The following AP2A1 variants were observed in gnomAD, a reference collection of about 807,000 sequenced individuals.
AP2A1 encodes AP-2 complex subunit alpha-1.
A neutral mutation model predicts 107.3 loss-of-function variants in AP2A1; 21 were observed. That is an observed-to-expected ratio of 0.20 (90% CI 0.14 to 0.28). The LOEUF (loss-of-function observed/expected upper bound fraction) is 0.28. Among genes scored for constraint, AP2A1 ranks in the 10% least tolerant of loss-of-function variants. The pLI is 1.00. For synonymous variants in AP2A1, 602 were observed against 564.8 expected (o/e 1.07, Z -0.93); for missense variants, 873 against 1,307.7 (o/e 0.67, Z 5.13).
chr19:49,783,381 C>G (rs1008818592), intron 4 of AP2A1, among the ~76,000 whole-genome samples: 2 of 151,974 alleles, frequency 1.3e-5, no homozygotes, highest in African/African-American at 4.8e-5. Context: ...GTCCCAGCTA[C>G]TCGGGAAGCT....
In AP2A1 at chr19:49,796,764, T is replaced by C. The variant is rs534556543; in HGVS notation, c.814+1026T>C. The C allele has an allele frequency of 2.6e-5, 4 of 152,426 alleles. No individual in the cohort carries two copies. In the East Asian group the frequency reaches 7.7e-4, roughly 29 times the overall value. 9.4% of individuals were successfully genotyped at this position (152,426 alleles called of 1,614,324 possible). On this transcript the variant is annotated intron_variant, in intron 7 of 22. Transcript: ENST00000354293. Reference sequence around the variant, plus strand: ...CTGTGTCCCTCTATGTGTGTACATGTGTATATATCAGTGTGTGCATCTACA... The same window carrying C: ...CTGTGTCCCTCTATGTGTGTACATGCGTATATATCAGTGTGTGCATCTACA...
intron 18 of AP2A1, chr19:49,803,953 C>T (rs554241060): frequency 1.3e-5 from 2 of 158,160 alleles, no homozygotes; most frequent in South Asian, 1.8e-4. Context: ...AAAACTCCTT[C>T]TGGCCGGGCA....
chr19:49,801,112 G>A, intron 12 of AP2A1, 54 bp downstream of exon 12: 3 of 1,493,664 alleles, frequency 2.0e-6, no homozygotes, highest in South Asian at 2.5e-5. Flanking sequence ...AGGGGTCCAG[G>A]GCTTGGGGGA....
rs1420371911 is a variant in AP2A1 at position 49,803,021 on chromosome 19, G to T, written c.2171+16G>T. ...TGCTGAATAAGTGAGTCCTGGGAGTGGTGGGGGAGGGGAACGGGACAGGTG... is the reference window on the plus strand; with the variant it reads ...TGCTGAATAAGTGAGTCCTGGGAGTTGTGGGGGAGGGGAACGGGACAGGTG... On this transcript the variant is annotated intron_variant, in intron 16 of 22. Transcript: ENST00000354293. The T allele has an allele frequency of 1.9e-6, 3 of 1,613,790 alleles. No individual in the cohort carries two copies. Among genetic ancestry groups the T allele is most frequent in the East Asian group, 4.5e-5 (2 of 44,860 alleles).
intron 7 of AP2A1, among the ~76,000 whole-genome samples, chr19:49,798,042 T>C (rs974331222): frequency 6.6e-6 from 1 of 152,250 alleles, no homozygotes; most frequent in Non-Finnish European, 1.5e-5. Context: ...ACTGGGCTCA[T>C]TGCTGCCTTG....
In AP2A1 at chr19:49,792,030, C is replaced by A; in HGVS notation, c.569C>A (p.Ala190Glu). Residue 190 changes from alanine (A) to glutamate (E), a missense_variant, in exon 5 of 23, where the codon GCG (alanine) becomes GAG (glutamate). This residue lies in a region of AP2A1 where 157 missense variants were observed against 212.6 expected (regional missense o/e 0.74). Transcript: ENST00000354293. ...CTGGTGCCCATGGGCGAGTGGACGG[C>A]GCGTGTGGTACACCTGCTCAATGAC... Reference protein sequence around the residue: ...PDLVPMGEWTARVVHLLNDQH... With the variant: ...PDLVPMGEWTERVVHLLNDQH... The A allele has an allele frequency of 6.2e-7, 1 of 1,612,704 alleles. No homozygotes were observed. The highest frequency in any genetic ancestry group is 1.7e-4 in the Middle Eastern group (1 of 5,944).
chr19:49,780,385 G>A (rs931642750), intron 1 of AP2A1, among the ~76,000 whole-genome samples: 2 of 152,238 alleles, frequency 1.3e-5, no homozygotes, highest in Non-Finnish European at 1.5e-5. Context: ...TGACAGGGGA[G>A]GGGTGGCCCC....
At chr19:49,799,536 T>C (rs1282016047) in intron 9 of AP2A1, 41 bp downstream of exon 9, 3 of 1,604,740 alleles carry the variant, frequency 1.9e-6, no homozygotes, top group Middle Eastern at 3.3e-4. Flanking sequence ...GCCACCCCCC[T>C]CAGAAAGACC....
chr19:49,772,555 G>A (rs2084574421), intron 1 of AP2A1, among the ~76,000 whole-genome samples: 1 of 151,588 alleles, frequency 6.6e-6, no homozygotes, highest in Non-Finnish European at 1.5e-5. Context: ...GAGTGCGGTG[G>A]TGCGATCTCG....
Position 49,781,686 on chromosome 19 carries a change from G to A in AP2A1, c.68-71G>A, listed in dbSNP as rs542148412. The A allele has an allele frequency of 3.6e-5, 53 of 1,470,434 alleles. No individual in the cohort carries two copies. In the Middle Eastern group the frequency reaches 1.1e-3, roughly 29 times the overall value. The allele number at this position is 1,470,434 out of a possible 1,614,324, so 91.1% of individuals were successfully genotyped here. A position where few individuals can be genotyped will look rare whatever the true frequency, so the allele number is the denominator to read the frequency against. ...TGCCCTTCCTGCTGGGTGGGGCCGC[G>A]CCTAGGAAAGAGAGGGCAGGTGGCT... On this transcript the variant is annotated intron_variant, in intron 1 of 22. Coordinates refer to ENST00000354293, the MANE Select transcript of AP2A1 (RefSeq NM_130787.3).
In AP2A1 at chr19:49,799,923, C is replaced by T. The variant is rs189554440; in HGVS notation, c.1273-45C>T. 262 of 1,599,730 alleles carry T rather than the reference C, an allele frequency of 1.6e-4. 1 individual carries two copies. The highest frequency in any genetic ancestry group is 4.0e-4 in the East Asian group (18 of 44,546). On this transcript the variant is annotated intron_variant, in intron 10 of 22. Coordinates refer to ENST00000354293, the MANE Select transcript of AP2A1 (RefSeq NM_130787.3). ...GCCCAGATCCAGGTGAGTGAAAGCC[C>T]GACATGGCCTGCGGCACACTCTCTC... is the stretch of plus-strand genomic sequence containing the variant.
chr19:49,806,342 C>T, intron 22 of AP2A1, 89 bp downstream of exon 22: 2 of 1,441,150 alleles, frequency 1.4e-6, no homozygotes, highest in Non-Finnish European at 1.8e-6. Flanking sequence ...TTCTTTAATT[C>T]ACGTCCCCAC....
Position 49,801,516 on chromosome 19 carries a change from G to C in AP2A1, c.1680G>C (p.Gln560His). 6.2e-7 allele frequency: 1 copy of C among 1,613,684 alleles called. No individual in the cohort carries two copies. Among genetic ancestry groups the C allele is most frequent in the Non-Finnish European group, 8.5e-7 (1 of 1,179,830 alleles). ...TCCCCGAGACCAAGGCCACCATCCA[G>C]GGCGTCCTGCGGGCCGGCTCCCAGC... Reference protein sequence around the residue: ...NLFPETKATIQGVLRAGSQLR... With the variant: ...NLFPETKATIHGVLRAGSQLR... The change falls in exon 13 of 23, where the codon CAG becomes CAC. Residue 560 changes from glutamine to histidine, a missense_variant. By Grantham distance (24) the Gln-to-His change is conservative. Transcript: ENST00000354293.
At chr19:49,786,775 C>T (rs993037288) in intron 4 of AP2A1, among the ~76,000 whole-genome samples, 12 of 152,158 alleles carry the variant, frequency 7.9e-5, no homozygotes, top group Non-Finnish European at 1.6e-4. Flanking sequence ...ACAAGCCACC[C>T]TGAAGAGGGA....
At chr19:49,802,217 T>G in intron 15 of AP2A1, 76 bp downstream of exon 15, 3 of 1,222,852 alleles carry the variant, frequency 2.5e-6, no homozygotes, top group Non-Finnish European at 3.5e-6. Flanking sequence ...GTCCCCGTTT[T>G]CCCTGAGCCC....
intron 13 of AP2A1, 49 bp from the exon 14 acceptor site, chr19:49,801,673 C>T (rs2073281715): frequency 6.5e-7 from 1 of 1,529,006 alleles, no homozygotes. Context: ...CCTTCCCGCC[C>T]TCCCCTCCTC....
chr19:49,790,755 C>A (rs11879087), intron 4 of AP2A1, among the ~76,000 whole-genome samples: 5,785 of 152,326 alleles, frequency 0.038, 161 homozygotes, highest in African/African-American at 0.075. Flanking sequence ...TCTGTTCCCT[C>A]ACAACAGGCA....
chr19:49,775,178 A>C (rs911655011), intron 1 of AP2A1, among the ~76,000 whole-genome samples: 1 of 152,192 alleles, frequency 6.6e-6, no homozygotes, highest in African/African-American at 2.4e-5. Flanking sequence ...CAATGAGTCA[A>C]GATCGCACCA....
chr19:49,776,106 G>A (rs1255185923), intron 1 of AP2A1, among the ~76,000 whole-genome samples: 1 of 152,086 alleles, frequency 6.6e-6, no homozygotes, highest in Non-Finnish European at 1.5e-5. Context: ...ACGGAGCACG[G>A]CCTGCCCCTC....
Sources: allele counts gnomAD v4.1 joint callset (sites outside exome capture counted in the v4.1 genomes callset), GRCh38; gene constraint gnomAD v4.1.1; regional missense constraint gnomAD v4.1.1; transcripts MANE v1.5; gene names NCBI Gene and HGNC (gene_info 2026-07-23, HGNC 2026-07-21).